ZFHX3: variants seen among roughly 807,000 people sequenced by gnomAD.
ZFHX3 encodes zinc finger homeobox 3.
In ZFHX3, 42 loss-of-function variants were observed where a neutral mutation model predicts 279.1. The observed-to-expected ratio is 0.15, with a 90% CI of 0.12 to 0.19. The LOEUF (loss-of-function observed/expected upper bound fraction) is 0.19, where lower values mean the gene tolerates loss of function less well. Ranked by LOEUF, ZFHX3 falls within the 10% of genes least tolerant of loss-of-function variation. The pLI is 1.00. For synonymous variants in ZFHX3, 2,293 were observed against 1,957.8 expected, an observed-to-expected ratio of 1.17 and a Z score of -4.52; for missense variants, 4,981 against 4,754.0, an observed-to-expected ratio of 1.05 and a Z score of -1.40.
intron 9 of ZFHX3, chr16:72,789,064 T>C: frequency 2.2e-6 from 1 of 455,510 alleles, no homozygotes; most frequent in Non-Finnish European, 3.8e-6. Flanking sequence ...GCTCCCATAC[T>C]TCCCCTTTCA....
chr16:73,772,623 A>G (rs957339478), intron 1 of ZFHX3, among the ~76,000 whole-genome samples: 22 of 152,074 alleles, frequency 1.4e-4, no homozygotes, highest in African/African-American at 5.1e-4. Flanking sequence ...TCTCCTTCTC[A>G]CTTGGATCTT....
rs764687875 is a variant in ZFHX3 at position 72,958,993 on chromosome 16, C to A, written c.1153G>T (p.Ala385Ser). 1.9e-6 allele frequency: 3 copies of A among 1,606,674 alleles called. No homozygotes were observed. The highest frequency in any genetic ancestry group is 1.1e-5 in the South Asian group (1 of 89,866). ...CCAGCCTGGGGCTGCTCGGGGCCAG[C>A]GGCGGAGCCCGCTGGGAGAGCTTCC... ...GEEALPAGSA[A>S]GPEQPQAGLL... The change falls in exon 2 of 10, where the codon GCT (alanine) becomes TCT (serine). Residue 385 changes from alanine (A) to serine (S), a missense_variant. This residue lies in a region of ZFHX3 where 1,068 missense variants were observed against 935.2 expected (regional missense o/e 1.14). Transcript: ENST00000268489.
intron 2 of ZFHX3, among the ~76,000 whole-genome samples, chr16:73,517,871 T>C (rs765346388): frequency 6.6e-6 from 1 of 152,230 alleles, no homozygotes; most frequent in Non-Finnish European, 1.5e-5. Flanking sequence ...AACCTGCATA[T>C]ATAATTTTAA....
At chr16:73,459,566 C>A (rs2018437218) in intron 2 of ZFHX3, among the ~76,000 whole-genome samples, 1 of 152,104 alleles carries the variant, frequency 6.6e-6, no homozygotes, top group Admixed American at 6.5e-5. Flanking sequence ...TGGGGTTTCA[C>A]CATGTTGGCC....
At chr16:73,245,593 G>T (rs1309346558) in intron 5 of ZFHX3, among the ~76,000 whole-genome samples, 1 of 152,242 alleles carries the variant, frequency 6.6e-6, no homozygotes, top group Non-Finnish European at 1.5e-5. Flanking sequence ...AATAAGCAAA[G>T]ATGGTGTCCA....
At position 73,120,358 on chromosome 16, in the gene ZFHX3, G is replaced by A. The variant is rs368097013; in HGVS notation, c.-897+10610C>T. ...ATAGCTCATTGCAGCCTCAAACTCC[G>A]AGGCTCAAATGATCCTCCTGCTTCA... On this transcript the variant is annotated intron_variant, in intron 7 of 17. Coordinates refer to the ZFHX3 transcript ENST00000641206. Among the ~76,000 whole-genome samples, 71 of 151,504 alleles carry A rather than the reference G, an allele frequency of 4.7e-4. No homozygotes were observed. In the South Asian group the frequency reaches 0.011, roughly 24 times the overall value.
intron 3 of ZFHX3, among the ~76,000 whole-genome samples, chr16:73,404,454 G>C (rs1340222378): frequency 6.6e-6 from 1 of 152,170 alleles, no homozygotes; most frequent in Non-Finnish European, 1.5e-5. Context: ...ATGCATCTTG[G>C]CTCCAAGTTC....
chr16:73,132,243 TCA>T (rs1199107499), intron 6 of ZFHX3, among the ~76,000 whole-genome samples: 1 of 152,078 alleles, frequency 6.6e-6, no homozygotes, highest in Non-Finnish European at 1.5e-5. Context: ...TTTGATTGTA[TCA>T]CTGCACTCTA....
chr16:73,128,252 C>G (rs1252861301), intron 7 of ZFHX3, among the ~76,000 whole-genome samples: 1 of 152,148 alleles, frequency 6.6e-6, no homozygotes, highest in Non-Finnish European at 1.5e-5. Context: ...TCTTAATCCA[C>G]CCAAATCTTG....
intron 2 of ZFHX3, among the ~76,000 whole-genome samples, chr16:73,587,348 T>G (rs375611985): frequency 6.6e-6 from 1 of 152,312 alleles, no homozygotes; most frequent in East Asian, 1.9e-4. Context: ...GAGGGAACCA[T>G]AACTAGTGAC....
At chr16:73,122,791 C>T (rs571108768) in intron 7 of ZFHX3, among the ~76,000 whole-genome samples, 97 of 152,208 alleles carry the variant, frequency 6.4e-4, no homozygotes, top group African/African-American at 2.2e-3. Flanking sequence ...TTCGGCTTTC[C>T]GTGGCCCTGG....
At chr16:72,839,818 T>A (rs1301323359) in intron 4 of ZFHX3, among the ~76,000 whole-genome samples, 3 of 152,108 alleles carry the variant, frequency 2.0e-5, no homozygotes, top group African/African-American at 7.2e-5. Flanking sequence ...GGGTACCCGT[T>A]CCCTCCTGTC....
chr16:73,509,377 A>G (rs1168502823), intron 2 of ZFHX3, among the ~76,000 whole-genome samples: 1 of 151,744 alleles, frequency 6.6e-6, no homozygotes, highest in African/African-American at 2.4e-5. Context: ...ACAATCCATC[A>G]GCCAGGCCCT....
At chr16:73,274,769 A>C (rs2014246143) in intron 4 of ZFHX3, among the ~76,000 whole-genome samples, 2 of 152,220 alleles carry the variant, frequency 1.3e-5, no homozygotes, top group South Asian at 4.1e-4. Flanking sequence ...CTCCTCCCTG[A>C]AGATTCCTTG....
intron 2 of ZFHX3, among the ~76,000 whole-genome samples, chr16:73,507,091 A>G (rs1037360332): frequency 6.6e-6 from 1 of 152,092 alleles, no homozygotes; most frequent in Non-Finnish European, 1.5e-5. Context: ...CGTATTCAAT[A>G]CCCAGTCCAG....
chr16:73,374,275 G>GT lies in ZFHX3; in HGVS notation c.-1290-55940dup, dbSNP rs200210454. 2.0e-3 allele frequency among the ~76,000 whole-genome samples: 298 copies of GT among 151,984 alleles called. 8 individuals carry two copies. In the East Asian group the frequency reaches 0.049, roughly 25 times the overall value. ...ATGAAATTATATAAATTATGACTTAGTTTTTTTTGTTACAGAAAATAACAA... is the reference window on the plus strand; with the variant it reads ...ATGAAATTATATAAATTATGACTTAGTTTTTTTTTGTTACAGAAAATAACAA... On this transcript the variant is annotated intron_variant, in intron 3 of 17. Transcript: ENST00000641206.
intron 1 of ZFHX3, among the ~76,000 whole-genome samples, chr16:72,962,159 G>A (rs1042307042): frequency 5.3e-5 from 8 of 152,170 alleles, no homozygotes; most frequent in African/African-American, 1.4e-4. Flanking sequence ...GGGGGGCCAC[G>A]ATTGATAAAG....
intron 3 of ZFHX3, among the ~76,000 whole-genome samples, chr16:73,410,488 A>G (rs966017063): frequency 7.9e-5 from 12 of 152,252 alleles, no homozygotes; most frequent in African/African-American, 2.9e-4. Context: ...AAGAAAGGCT[A>G]AATGCATGAG....
intron 3 of ZFHX3, among the ~76,000 whole-genome samples, chr16:73,372,100 A>G (rs962842011): frequency 6.6e-5 from 10 of 152,344 alleles, no homozygotes; most frequent in Non-Finnish European, 1.2e-4. Flanking sequence ...TATACTCAGC[A>G]GTCTTCCCTG....
Sources: gnomAD v4.1 joint callset for allele counts (sites outside exome capture counted in the v4.1 genomes callset) on GRCh38, gnomAD v4.1.1 for gene constraint, gnomAD v4.1.1 regional missense constraint, MANE v1.5 for transcripts, NCBI Gene and HGNC (gene_info 2026-07-23, HGNC 2026-07-21) for gene names.